The following DIDO1 variants were observed in gnomAD, a reference collection of about 807,000 sequenced individuals.
The protein encoded by DIDO1 is death inducer-obliterator 1, also known as death-inducer obliterator 1.
In DIDO1, 16 loss-of-function variants were observed where a neutral mutation model predicts 99.4. The ratio of observed to expected loss-of-function variants is 0.16; its 90% CI spans 0.11 to 0.24. The LOEUF (loss-of-function observed/expected upper bound fraction) is 0.24, where lower values mean the gene tolerates loss of function less well. Ranked by LOEUF, DIDO1 falls within the 10% of genes least tolerant of loss-of-function variation. The pLI is 1.00. For missense variants in DIDO1, 2,996 were observed against 3,014.0 expected, an observed-to-expected ratio of 0.99 and a Z score of 0.14; for synonymous variants, 1,366 against 1,239.1, an observed-to-expected ratio of 1.10 and a Z score of -2.15.
At chr20:62,890,888 C>A (rs1484858376) in intron 15 of DIDO1, 72 bp downstream of exon 15, 1 of 1,611,550 alleles carries the variant, frequency 6.2e-7, no homozygotes, top group Non-Finnish European at 8.5e-7. Flanking sequence ...CAGGACTCAG[C>A]AGGGCATGTC....
chr20:62,936,537 A>G (rs1043148369), intron 1 of DIDO1, among the ~76,000 whole-genome samples: 8 of 150,660 alleles, frequency 5.3e-5, no homozygotes, highest in African/African-American at 1.7e-4. Context: ...CCTGGGCAAC[A>G]AAGTGAGACT....
Position 62,904,897 on chromosome 20 carries a change from G to A in DIDO1, c.1588+990C>T, listed in dbSNP as rs75280216. The A allele has an allele frequency of 3.9e-3, 3,189 of 813,914 alleles. 78 individuals are homozygous for A. The African/African-American group carries it at 0.05, about 13-fold the overall frequency. The allele number at this position is 813,914 out of a possible 1,614,324, so 50.4% of individuals were successfully genotyped here. On this transcript the variant is annotated intron_variant, in intron 6 of 15. Transcript: ENST00000395343. ...TTAGGGAATCTGCTCAAAGTCTGAC[G>A]ACGGGAAAGTGGGGCACTCTGTGAT...
chr20:62,918,209 G>A (rs182601910), intron 1 of DIDO1, among the ~76,000 whole-genome samples: 52 of 152,310 alleles, frequency 3.4e-4, no homozygotes, highest in African/African-American at 1.2e-3. Context: ...AAGCCTAACT[G>A]CAACTATTAC....
In DIDO1 at chr20:62,911,371, G is replaced by T. The variant is rs749335229; in HGVS notation, c.242C>A (p.Ala81Glu). 1 of 1,611,330 alleles carries T rather than the reference G, an allele frequency of 6.2e-7. No homozygotes were observed. The highest frequency in any genetic ancestry group is 1.3e-5 in the African/African-American group (1 of 74,924). ...TERVEQFLTI[A>E]RRRGRRSMPV... ...CATGCTCCTCCTGCCGCGGCGCCGC[G>T]CAATGGTCAGGAACTGCTCCACGCG... The change falls in exon 3 of 16, where the codon GCG becomes GAG. Residue 81 changes from alanine (A) to glutamate (E), a missense_variant. Ala to Glu is a moderately radical substitution (Grantham distance 107). Coordinates refer to ENST00000395343, the MANE Select transcript of DIDO1 (RefSeq NM_001193369.2). The surrounding 1 kb of genome is among the most constrained non-coding windows in gnomAD (Gnocchi z 7.0).
chr20:62,892,428 C>T (rs2064418215), intron 13 of DIDO1, among the ~76,000 whole-genome samples: 1 of 152,184 alleles, frequency 6.6e-6, no homozygotes, highest in Non-Finnish European at 1.5e-5. Flanking sequence ...ATTCTGAAAA[C>T]TAAAAGGCCT....
In DIDO1 at chr20:62,895,092, A is replaced by T. The variant is rs1409990006; in HGVS notation, c.2288T>A (p.Val763Glu). 1 of 1,612,080 alleles carries T rather than the reference A, an allele frequency of 6.2e-7. No individual in the cohort carries two copies. The highest frequency in any genetic ancestry group is 2.2e-5 in the East Asian group (1 of 44,810). ...KLVRLKPEEL[V>E]SKELSTWKER... ...TTTCCACGTGGAAAGCTCTTTAGAT[A>T]CAAGTTCTTCTGGCTTCAGTCTCAC... Residue 763 changes from valine (V) to glutamate (E), a missense_variant, in exon 9 of 16, where the codon GTA becomes GAA. Val to Glu is a moderately radical substitution (Grantham distance 121). This residue lies in a region of DIDO1 where 898 missense variants were observed against 972.7 expected (regional missense o/e 0.92). Coordinates refer to ENST00000395343, the MANE Select transcript of DIDO1 (RefSeq NM_001193369.2).
In DIDO1 at chr20:62,901,642, G is replaced by A. The variant is rs541334427; in HGVS notation, c.1588+4245C>T. Reference sequence around the variant, plus strand: ...TGACAGCACCAAGCAGGTCAGTTGAGGATAAAGCCAGTTACCTTAAGCTCT... The same window carrying A: ...TGACAGCACCAAGCAGGTCAGTTGAAGATAAAGCCAGTTACCTTAAGCTCT... On this transcript the variant is annotated intron_variant, in intron 6 of 15. Coordinates refer to ENST00000395343, the MANE Select transcript of DIDO1 (RefSeq NM_001193369.2). Among the ~76,000 whole-genome samples the A allele has an allele frequency of 2.6e-5, 4 of 152,246 alleles. No individual in the cohort carries two copies. In the East Asian group the frequency reaches 5.8e-4, roughly 22 times the overall value.
chr20:62,882,915 C>CTTTTTTTTTTTT (rs10583836), intron 15 of DIDO1, among the ~76,000 whole-genome samples: 1 of 81,358 alleles, frequency 1.2e-5, no homozygotes, highest in Admixed American at 1.7e-4. Context: ...AACAAACAGC[C>CTTTTTTTTTTTT]TTTTTTTTTT....
chr20:62,880,184 C>T lies in DIDO1; in HGVS notation c.5772G>A (p.Val1924=). 1 of 1,612,438 alleles carries T rather than the reference C, an allele frequency of 6.2e-7. No individual in the cohort carries two copies. The highest frequency in any genetic ancestry group is 1.1e-5 in the South Asian group (1 of 91,074). Residue 1924 remains valine, a synonymous_variant, in exon 16 of 16, where the codon GTG becomes GTA. Transcript: ENST00000395343. Reference sequence around the variant, plus strand: ...GACTAGGATGGGGCCCTCTTGGGCCCACGAAATGACCAGGGGGTGGTCCTC... The same window carrying T: ...GACTAGGATGGGGCCCTCTTGGGCCTACGAAATGACCAGGGGGTGGTCCTC... The part of the protein sequence containing the change: ...GQRGPPPGHF[V]GPRGPHPSQF...
chr20:62,900,391 G>C lies in DIDO1; in HGVS notation c.1589-3395C>G, dbSNP rs116264624. Among the ~76,000 whole-genome samples, 378 of 152,364 alleles carry C rather than the reference G, an allele frequency of 2.5e-3. 3 individuals carry two copies. Among genetic ancestry groups the C allele is most frequent in the African/African-American group, 9.0e-3 (376 of 41,596 alleles). On this transcript the variant is annotated intron_variant, in intron 6 of 15. Transcript: ENST00000395343. ...TTGGCCAATTTCCCCCAAAGCAGAA[G>C]GCTGGCTGGCTTGGGTGCTACAGCG...
At chr20:62,900,049 G>A (rs1344759444) in intron 6 of DIDO1, among the ~76,000 whole-genome samples, 1 of 152,160 alleles carries the variant, frequency 6.6e-6, no homozygotes, top group Non-Finnish European at 1.5e-5. Context: ...GGCAACCCAG[G>A]AAAAAACCCC....
chr20:62,937,137 AC>A (rs1352925750), intron 1 of DIDO1, among the ~76,000 whole-genome samples: 1 of 152,054 alleles, frequency 6.6e-6, no homozygotes, highest in African/African-American at 2.4e-5. Flanking sequence ...AAACCACCTC[AC>A]CCCTGACTTC....
At chr20:62,901,887 A>G (rs1304548551) in intron 6 of DIDO1, among the ~76,000 whole-genome samples, 1 of 151,524 alleles carries the variant, frequency 6.6e-6, no homozygotes, top group East Asian at 1.9e-4. Flanking sequence ...TGTGTACCAC[A>G]TTGGAGGAAT....
In DIDO1 at chr20:62,879,545, TCGGTCCCACTCCCGGGGC is replaced by T. The variant is rs912563666; in HGVS notation, c.6393_6410del (p.Pro2132_Arg2137del). 1.9e-5 allele frequency: 31 copies of T among 1,599,718 alleles called. No homozygotes were observed. Among genetic ancestry groups the T allele is most frequent in the Middle Eastern group, 3.3e-4 (2 of 6,060 alleles). Reference sequence around the variant, plus strand: ...CCCGGCTGGAGTCCTTGTCCCGGTGTCGGTCCCACTCCCGGGGCCGGTCCCAGTCCCGCTCTCGGCTCC... The same window carrying T: ...CCCGGCTGGAGTCCTTGTCCCGGTGTCGGTCCCAGTCCCGCTCTCGGCTCC... On this transcript the variant is annotated inframe_deletion, in exon 16 of 16. Transcript: ENST00000395343. The surrounding 1 kb of genome is among the most constrained non-coding windows in gnomAD (Gnocchi z 6.3).
chr20:62,921,138 C>T (rs1475258051), intron 1 of DIDO1, among the ~76,000 whole-genome samples: 10 of 152,160 alleles, frequency 6.6e-5, no homozygotes, highest in Non-Finnish European at 1.5e-5. Context: ...TCAGGTGATC[C>T]GCCCACCTTG....
At position 62,893,713 on chromosome 20, in the gene DIDO1, T is replaced by C. The variant is rs1471582616; in HGVS notation, c.3054A>G (p.Ser1018=). ...CTGACAGGTATCTTGGGTCAGGAGA[T>C]GAGGATGGCTTAGCTAGTATGGACT... ...VPKSILAKPS[S]SPDPRYLSVP... The change falls in exon 12 of 16, where the codon TCA becomes TCG. Residue 1018 remains serine (S), a synonymous_variant. Transcript: ENST00000395343. 1.2e-6 allele frequency: 2 copies of C among 1,611,916 alleles called. No individual in the cohort carries two copies.
At chr20:62,882,461 T>G (rs754053718) in intron 15 of DIDO1, 47 bp from the exon 16 acceptor site, 1 of 1,553,802 alleles carries the variant, frequency 6.4e-7, no homozygotes, top group South Asian at 1.2e-5. Context: ...AAATCCAGCT[T>G]TTACCCTTTA....
In DIDO1 at chr20:62,910,863, C is replaced by T. The variant is rs778100965; in HGVS notation, c.750G>A (p.Glu250=). Residue 250 remains glutamate (E), a synonymous_variant, in exon 3 of 16, where the codon GAG becomes GAA. Coordinates refer to ENST00000395343, the MANE Select transcript of DIDO1 (RefSeq NM_001193369.2). ...GCTTCGGTCGGCCCAAGTCTCCAGG[C>T]TCCTCATCTTTGATGTCCTGAGCCG... ...GKAAQDIKDE[E]PGDLGRPKPE... is the part of the protein sequence containing the mutation. 1.4e-5 allele frequency: 22 copies of T among 1,613,832 alleles called. No homozygotes were observed. The South Asian group carries it at 1.8e-4, about 13-fold the overall frequency.
chr20:62,935,059 C>CAATT (rs1323137214), intron 1 of DIDO1, among the ~76,000 whole-genome samples: 1 of 152,226 alleles, frequency 6.6e-6, no homozygotes, highest in Non-Finnish European at 1.5e-5. Flanking sequence ...CAGGCACCTC[C>CAATT]AATTGAATGA....
Sources: allele counts gnomAD v4.1 joint callset (sites outside exome capture counted in the v4.1 genomes callset), GRCh38; gene constraint gnomAD v4.1.1; regional missense constraint gnomAD v4.1.1; non-coding constraint Gnocchi (gnomAD v3.1); transcripts MANE v1.5; gene names NCBI Gene and HGNC (gene_info 2026-07-23, HGNC 2026-07-21).